The following ARHGAP42 variants were observed in gnomAD, a reference collection of about 807,000 sequenced individuals.
The protein encoded by ARHGAP42 is Rho GTPase activating protein 42, also known as rho GTPase-activating protein 42.
In ARHGAP42, 63 loss-of-function variants were observed where a neutral mutation model predicts 125.0. That is an observed-to-expected ratio of 0.50 (90% CI 0.41 to 0.62). The LOEUF (loss-of-function observed/expected upper bound fraction) is 0.62, where lower values mean the gene tolerates loss of function less well. ARHGAP42 is among the 20% of genes least tolerant of loss of function. ARHGAP42 has a pLI of 0.00. For synonymous variants in ARHGAP42, 339 were observed against 351.0 expected (o/e 0.97, Z 0.38); for missense variants, 766 against 1,024.2 (o/e 0.75, Z 3.44).
At chr11:100,788,519 A>G (rs1391552464) in intron 2 of ARHGAP42, among the ~76,000 whole-genome samples, 1 of 152,210 alleles carries the variant, frequency 6.6e-6, no homozygotes, top group East Asian at 1.9e-4. Flanking sequence ...TTTATTTAAT[A>G]GGAAGCAATT....
chr11:100,764,122 A>G (rs1182300934), intron 1 of ARHGAP42, among the ~76,000 whole-genome samples: 3 of 151,042 alleles, frequency 2.0e-5, no homozygotes, highest in Non-Finnish European at 2.9e-5. Flanking sequence ...TCCTTTGCTC[A>G]GTGATCTTCC....
intron 1 of ARHGAP42, among the ~76,000 whole-genome samples, chr11:100,714,764 T>C (rs1386675015): frequency 6.6e-6 from 1 of 152,072 alleles, no homozygotes; most frequent in Non-Finnish European, 1.5e-5. Flanking sequence ...GGCACAGTGG[T>C]AACGCCTATA....
At chr11:100,914,377 T>A (rs1336933258) in intron 5 of ARHGAP42, among the ~76,000 whole-genome samples, 2 of 152,168 alleles carry the variant, frequency 1.3e-5, no homozygotes, top group Non-Finnish European at 2.9e-5. Context: ...TTGGTAGTGT[T>A]TTAACTATAA....
intron 4 of ARHGAP42, among the ~76,000 whole-genome samples, chr11:100,906,514 A>G (rs1277607201): frequency 6.6e-6 from 1 of 152,030 alleles, no homozygotes; most frequent in East Asian, 1.9e-4. Context: ...TTATGATGAC[A>G]TGCCTTTTGT....
intron 4 of ARHGAP42, among the ~76,000 whole-genome samples, chr11:100,889,856 A>C (rs1451855083): frequency 6.6e-6 from 1 of 151,904 alleles, no homozygotes; most frequent in African/African-American, 2.4e-5. Context: ...CTCTTGACCC[A>C]CCTTGTTCAC....
chr11:100,851,703 C>T (rs1865207831), intron 3 of ARHGAP42, among the ~76,000 whole-genome samples: 1 of 142,734 alleles, frequency 7.0e-6, no homozygotes, highest in African/African-American at 2.5e-5. Flanking sequence ...ACAATGTTTG[C>T]ACGATGACAA....
At chr11:100,780,234 T>C (rs753657881) in intron 2 of ARHGAP42, among the ~76,000 whole-genome samples, 7 of 152,126 alleles carry the variant, frequency 4.6e-5, no homozygotes, top group Non-Finnish European at 8.8e-5. Flanking sequence ...AAACCCCTTT[T>C]TTAAAATAAC....
intron 1 of ARHGAP42, among the ~76,000 whole-genome samples, chr11:100,695,753 T>C (rs1357447624): frequency 6.6e-6 from 1 of 152,190 alleles, no homozygotes; most frequent in Non-Finnish European, 1.5e-5. Context: ...GTGTAAGGAA[T>C]GTGAATTGTG....
chr11:100,796,226 T>C (rs1340872594), intron 3 of ARHGAP42, among the ~76,000 whole-genome samples: 1 of 152,156 alleles, frequency 6.6e-6, no homozygotes, highest in Non-Finnish European at 1.5e-5. Flanking sequence ...TGACCTGTGA[T>C]GCGTGAATGT....
intron 4 of ARHGAP42, among the ~76,000 whole-genome samples, chr11:100,907,245 C>A (rs1470876942): frequency 1.3e-5 from 2 of 152,200 alleles, no homozygotes; most frequent in African/African-American, 4.8e-5. Flanking sequence ...GTTTGAACAA[C>A]TCTTCATATG....
chr11:100,951,351 A>C (rs757287245), intron 12 of ARHGAP42, among the ~76,000 whole-genome samples: 2 of 152,202 alleles, frequency 1.3e-5, no homozygotes, highest in South Asian at 4.1e-4. Context: ...ATCTAATCAC[A>C]GATACATTAA....
intron 8 of ARHGAP42, among the ~76,000 whole-genome samples, chr11:100,940,549 G>C (rs1867852263): frequency 6.6e-6 from 1 of 152,032 alleles, no homozygotes; most frequent in African/African-American, 2.4e-5. Context: ...GGAGAATACT[G>C]GACAATAACA....
intron 1 of ARHGAP42, among the ~76,000 whole-genome samples, chr11:100,756,395 C>T (rs1413165376): frequency 6.6e-6 from 1 of 152,000 alleles, no homozygotes; most frequent in East Asian, 1.9e-4. Flanking sequence ...AAGACCCTGT[C>T]TCAAAAATAA....
intron 5 of ARHGAP42, among the ~76,000 whole-genome samples, chr11:100,919,957 A>C (rs1231660276): frequency 6.6e-6 from 1 of 152,234 alleles, no homozygotes; most frequent in African/African-American, 2.4e-5. Flanking sequence ...CTCCCAAGAC[A>C]GCCAGTTGTT....
chr11:100,699,327 C>A (rs1195251525), intron 1 of ARHGAP42, among the ~76,000 whole-genome samples: 1 of 151,686 alleles, frequency 6.6e-6, no homozygotes, highest in East Asian at 1.9e-4. Context: ...ATCCTTCTAA[C>A]TCTTCCCATT....
rs1858381530 is a variant in ARHGAP42, at chr11:100,976,070, C to A, written c.1869C>A (p.Ser623Arg). 2.0e-6 allele frequency: 3 copies of A among 1,528,266 alleles called. No homozygotes were observed. The East Asian group carries it at 7.4e-5, about 38-fold the overall frequency. The allele number at this position is 1,528,266 out of a possible 1,614,324, so 94.7% of individuals were successfully genotyped here. A position where few individuals can be genotyped will look rare whatever the true frequency, so the allele number is the denominator to read the frequency against. ...CCTACTCCTTAGGTGACTCCTATAG[C>A]AGCAGCCCAGACAGCACACCTATGG... ...CLAEPDSDSY[S>R]SSPDSTPMGS... The change falls in exon 20 of 24, where the codon AGC becomes AGA. Residue 623 changes from serine to arginine, a missense_variant. Physicochemically the swap from Ser to Arg is moderately radical, Grantham distance 110 (BLOSUM62 -1). Around this residue, in one of 3 missense-constraint regions of ARHGAP42, gnomAD observed 308 missense variants for 369.7 expected, o/e 0.83. Coordinates refer to ENST00000298815, the MANE Select transcript of ARHGAP42 (RefSeq NM_152432.4).
chr11:100,881,529 CT>C (rs1420389126), intron 4 of ARHGAP42, among the ~76,000 whole-genome samples: 2 of 152,052 alleles, frequency 1.3e-5, no homozygotes, highest in Non-Finnish European at 2.9e-5. Flanking sequence ...CAGATTTGTT[CT>C]TTTTGCTTAG....
chr11:100,976,021 A>G, intron 19 of ARHGAP42, 36 bp from the exon 20 acceptor site: 1 of 1,464,058 alleles, frequency 6.8e-7, no homozygotes. Context: ...ATAGATAGTT[A>G]CAGTTGCTTT....
At chr11:100,768,831 C>G (rs1862897722) in intron 1 of ARHGAP42, among the ~76,000 whole-genome samples, 1 of 152,184 alleles carries the variant, frequency 6.6e-6, no homozygotes, top group South Asian at 2.1e-4. Context: ...ATATAATCCT[C>G]AAAACAATTC....
Sources: gnomAD v4.1 joint callset for allele counts (sites outside exome capture counted in the v4.1 genomes callset) on GRCh38, gnomAD v4.1.1 for gene constraint, gnomAD v4.1.1 regional missense constraint, MANE v1.5 for transcripts, NCBI Gene and HGNC (gene_info 2026-07-23, HGNC 2026-07-21) for gene names.